METTL15: variants seen among roughly 807,000 people sequenced by gnomAD.
The protein encoded by METTL15 is methyltransferase 15, mitochondrial 12S rRNA N4-cytidine, also known as 12S rRNA N(4)-cytidine methyltransferase METTL15.
A neutral mutation model predicts 38.3 loss-of-function variants in METTL15; 34 were observed. The observed-to-expected ratio is 0.89, with a 90% CI of 0.68 to 1.18. The LOEUF is 1.18. Among genes scored for constraint, METTL15 ranks in the 50% most tolerant of loss-of-function variants. The probability of loss-of-function intolerance (pLI) is 0.00; values close to 1 mark genes in which losing one functional copy is unlikely to be tolerated. For synonymous variants in METTL15, 162 were observed against 170.9 expected, an observed-to-expected ratio of 0.95 and a Z score of 0.41; for missense variants, 438 against 498.4, an observed-to-expected ratio of 0.88 and a Z score of 1.15.
chr11:28,401,754 A>G (rs1850632845), intron 5 of METTL15, among the ~76,000 whole-genome samples: 1 of 151,932 alleles, frequency 6.6e-6, no homozygotes, highest in African/African-American at 2.4e-5. Flanking sequence ...AAAAAAAACC[A>G]CTACTCCTTT....
At chr11:28,251,536 C>T (rs1854743295) in intron 4 of METTL15, among the ~76,000 whole-genome samples, 1 of 151,928 alleles carries the variant, frequency 6.6e-6, no homozygotes, top group East Asian at 1.9e-4. Flanking sequence ...ATGAATAAGA[C>T]TTTTTTCATA....
rs1265776681 is a variant in METTL15, at chr11:28,204,117, T to G, written c.271-6945T>G. ...GCTCCTTTATTCATATCACATTACT[T>G]AGCACCTACTGTTTTGCACTGATGC... On this transcript the variant is annotated intron_variant, in intron 3 of 6. Coordinates refer to ENST00000407364, the MANE Select transcript of METTL15 (RefSeq NM_001113528.2). 2.0e-5 allele frequency among the ~76,000 whole-genome samples: 3 copies of G among 152,050 alleles called. No individual in the cohort carries two copies. In the East Asian group the frequency reaches 5.8e-4, roughly 29 times the overall value.
chr11:28,516,002 G>A (rs1851716568), intron 6 of METTL15, among the ~76,000 whole-genome samples: 1 of 152,140 alleles, frequency 6.6e-6, no homozygotes, highest in African/African-American at 2.4e-5. Context: ...AGCCCAAAGG[G>A]AACCACAGAA....
intron 4 of METTL15, among the ~76,000 whole-genome samples, chr11:28,229,241 C>A (rs1853594814): frequency 6.6e-6 from 1 of 151,892 alleles, no homozygotes; most frequent in South Asian, 2.1e-4. Flanking sequence ...TGGAAACTTT[C>A]ATTGGCATAC....
At chr11:28,368,637 C>A (rs1042448760) in intron 5 of METTL15, among the ~76,000 whole-genome samples, 3 of 152,182 alleles carry the variant, frequency 2.0e-5, no homozygotes, top group African/African-American at 7.2e-5. Flanking sequence ...TTTGACCCAG[C>A]AATCCCATTA....
At position 28,108,409 on chromosome 11, in the gene METTL15, C is replaced by T. The variant is rs1022476378; in HGVS notation, c.-297C>T. On this transcript the variant is annotated 5_prime_UTR_variant, in exon 1 of 7. Transcript: ENST00000407364. ...AGGCAGCCACTTGAGATCACCAGGC[C>T]TCCTGTAGACCGGCGGGTGCAGGGC... 5.9e-5 allele frequency: 9 copies of T among 152,464 alleles called. No individual in the cohort carries two copies. The highest frequency in any genetic ancestry group is 1.9e-4 in the African/African-American group (8 of 41,470). 9.4% of individuals were successfully genotyped at this position (152,464 alleles called of 1,614,324 possible). A position where few individuals can be genotyped will look rare whatever the true frequency, so the allele number is the denominator to read the frequency against.
chr11:28,195,722 CATTT>C (rs1404760940), intron 3 of METTL15, among the ~76,000 whole-genome samples: 1 of 151,906 alleles, frequency 6.6e-6, no homozygotes, highest in East Asian at 1.9e-4. Context: ...AGTTAGGTCT[CATTT>C]ATTTATTTTT....
intron 3 of METTL15, among the ~76,000 whole-genome samples, chr11:28,142,371 T>C (rs1214982728): frequency 6.6e-6 from 1 of 152,182 alleles, no homozygotes; most frequent in Admixed American, 6.5e-5. Context: ...TAATATCAGG[T>C]TACTTAAGTT....
At chr11:28,396,915 A>G (rs1330464886) in intron 5 of METTL15, among the ~76,000 whole-genome samples, 1 of 152,172 alleles carries the variant, frequency 6.6e-6, no homozygotes, top group Admixed American at 6.6e-5. Context: ...GGAACAGAAC[A>G]GAGCCCTCAG....
chr11:28,314,183 T>G (rs1857400808), intron 6 of METTL15, among the ~76,000 whole-genome samples: 1 of 152,224 alleles, frequency 6.6e-6, no homozygotes, highest in South Asian at 2.1e-4. Context: ...CAAGCCTGTT[T>G]TGAGAAAAAT....
chr11:28,391,116 A>G (rs1850501642), intron 5 of METTL15, among the ~76,000 whole-genome samples: 1 of 152,052 alleles, frequency 6.6e-6, no homozygotes, highest in Non-Finnish European at 1.5e-5. Context: ...TTATCAGCTT[A>G]AGGAGATTTT....
chr11:28,215,458 A>G lies in METTL15; in HGVS notation c.407+4260A>G, dbSNP rs544350597. On this transcript the variant is annotated intron_variant, in intron 4 of 6. Transcript: ENST00000407364. The stretch of plus-strand genomic sequence containing the variant: ...CTCGCCTCTGAGGAGAATGAGAGAC[A>G]GCAGGGAAAGAGGTGGTCAGAAGGT... 2.6e-5 allele frequency among the ~76,000 whole-genome samples: 4 copies of G among 152,164 alleles called. No individual in the cohort carries two copies. The East Asian group carries it at 7.7e-4, about 29-fold the overall frequency.
At chr11:28,404,500 C>G (rs1167934347) in intron 5 of METTL15, among the ~76,000 whole-genome samples, 1 of 151,978 alleles carries the variant, frequency 6.6e-6, no homozygotes, top group East Asian at 1.9e-4. Flanking sequence ...CAAGGCAGCT[C>G]TCTGGGGCCA....
chr11:28,393,461 G>A (rs1430090346), intron 5 of METTL15, among the ~76,000 whole-genome samples: 2 of 152,052 alleles, frequency 1.3e-5, no homozygotes, highest in Non-Finnish European at 2.9e-5. Flanking sequence ...GCTTAGTTAG[G>A]CATTTCTGGC....
chr11:28,304,677 C>T (rs1326268122), intron 6 of METTL15, among the ~76,000 whole-genome samples: 3 of 152,008 alleles, frequency 2.0e-5, no homozygotes, highest in Non-Finnish European at 4.4e-5. Context: ...GATTGTGCCA[C>T]TGCACTCCAG....
intron 6 of METTL15, among the ~76,000 whole-genome samples, chr11:28,300,181 A>G (rs948695277): frequency 1.3e-5 from 2 of 152,154 alleles, no homozygotes; most frequent in African/African-American, 2.4e-5. Flanking sequence ...TTTGTTTGAC[A>G]AACATGTATT....
intron 6 of METTL15, among the ~76,000 whole-genome samples, chr11:28,461,820 G>A (rs1355308541): frequency 1.3e-5 from 2 of 151,982 alleles, no homozygotes; most frequent in Non-Finnish European, 2.9e-5. Flanking sequence ...GGTATTCAGG[G>A]TGTTCATCAC....
chr11:28,359,456 G>A (rs537685865), intron 4 of METTL15, among the ~76,000 whole-genome samples: 8 of 152,262 alleles, frequency 5.3e-5, no homozygotes, highest in Non-Finnish European at 1.2e-4. Context: ...GGATTGCTGA[G>A]TTGAATAGTA....
chr11:28,316,726 G>C (rs572031172), intron 6 of METTL15, among the ~76,000 whole-genome samples: 5 of 152,250 alleles, frequency 3.3e-5, no homozygotes, highest in Non-Finnish European at 7.4e-5. Flanking sequence ...GAATTATGGG[G>C]GTGGGTCTTT....
Sources: gnomAD v4.1 joint callset for allele counts (sites outside exome capture counted in the v4.1 genomes callset) on GRCh38, gnomAD v4.1.1 for gene constraint, MANE v1.5 for transcripts, NCBI Gene and HGNC (gene_info 2026-07-23, HGNC 2026-07-21) for gene names.